SNAPC3: variants seen among roughly 807,000 people sequenced by gnomAD.
The protein encoded by SNAPC3 is snRNA-activating protein complex subunit 3.
In SNAPC3, 56 loss-of-function variants were observed where a neutral mutation model predicts 47.7. The ratio of observed to expected loss-of-function variants is 1.18; its 90% CI spans 0.95 to 1.47. SNAPC3 has a LOEUF of 1.47. SNAPC3 is among the 40% of genes most tolerant of loss of function. The pLI is 0.00. For missense variants in SNAPC3, 665 were observed against 511.3 expected (o/e 1.30, Z -2.90); for synonymous variants, 235 against 189.9 (o/e 1.24, Z -1.95).
intron 3 of SNAPC3, among the ~76,000 whole-genome samples, chr9:15,437,242 C>CTT (rs796295021): frequency 1.9e-4 from 28 of 144,342 alleles, no homozygotes; most frequent in African/African-American, 6.3e-4. Context: ...TTCTTAATTC[C>CTT]TTTTTTTTTT....
intron 2 of SNAPC3, among the ~76,000 whole-genome samples, chr9:15,429,409 G>T (rs2031858793): frequency 6.6e-6 from 1 of 152,176 alleles, no homozygotes; most frequent in African/African-American, 2.4e-5. Flanking sequence ...CTAATACAGA[G>T]AGGATGAGGG....
chr9:15,465,522 A>G (rs759186338), downstream of SNAPC3: 1 of 1,556,502 alleles, frequency 6.4e-7, no homozygotes, highest in Non-Finnish European at 8.8e-7. Flanking sequence ...ATGTCAACCT[A>G]GTTATCTAGT....
At chr9:15,428,661 A>C (rs937641714) in intron 2 of SNAPC3, among the ~76,000 whole-genome samples, 2 of 152,164 alleles carry the variant, frequency 1.3e-5, no homozygotes, top group Non-Finnish European at 2.9e-5. Context: ...AGGAGAAATG[A>C]AAAAAGAGTT....
Position 15,423,124 on chromosome 9 carries a change from A to G in SNAPC3, c.245A>G (p.Glu82Gly). 1 of 1,556,060 alleles carries G rather than the reference A, an allele frequency of 6.4e-7. No homozygotes were observed. Among genetic ancestry groups the G allele is most frequent in the Non-Finnish European group, 8.6e-7 (1 of 1,162,444 alleles). ...AGCCAGGCAGCTGACTCCGACCGGGAGGATGCCGCGGTGGCCAGGGATCTG... is the reference window on the plus strand; with the variant it reads ...AGCCAGGCAGCTGACTCCGACCGGGGGGATGCCGCGGTGGCCAGGGATCTG... ...PGSQAADSDR[E>G]DAAVARDLDC... The change falls in exon 1 of 9, where the codon GAG becomes GGG. Residue 82 changes from glutamate (E) to glycine (G), a missense_variant. Transcript: ENST00000380821.
intron 2 of SNAPC3, among the ~76,000 whole-genome samples, chr9:15,427,804 A>G (rs2031622290): frequency 6.6e-6 from 1 of 152,224 alleles, no homozygotes; most frequent in Non-Finnish European, 1.5e-5. Context: ...AAAAAACAAA[A>G]GAACCATGAA....
chr9:15,456,274 T>C (rs967301486), intron 7 of SNAPC3, among the ~76,000 whole-genome samples: 81 of 152,082 alleles, frequency 5.3e-4, no homozygotes, highest in African/African-American at 1.6e-3. Flanking sequence ...CCTCCCAAAG[T>C]GCTGGGATTA....
At chr9:15,458,746 A>AC (rs1331569300) in intron 8 of SNAPC3, among the ~76,000 whole-genome samples, 2 of 152,116 alleles carry the variant, frequency 1.3e-5, no homozygotes, top group Non-Finnish European at 2.9e-5. Context: ...CACAGCAGTA[A>AC]CTATAAAAAA....
chr9:15,459,700 C>CT lies in SNAPC3; in HGVS notation c.1089-12dup. ...CAAATTTGATTGTAATGATGTACTT[C>CT]TTTTTTTAAAAACTACAGATGGGTG... On this transcript the variant is annotated intron_variant, in intron 8 of 8. Coordinates refer to ENST00000380821, the MANE Select transcript of SNAPC3 (RefSeq NM_001039697.2). 2.5e-6 allele frequency: 4 copies of CT among 1,607,638 alleles called. No homozygotes were observed. The highest frequency in any genetic ancestry group is 3.4e-6 in the Non-Finnish European group (4 of 1,176,238).
At chr9:15,458,361 C>A (rs1028757655) in intron 8 of SNAPC3, among the ~76,000 whole-genome samples, 2 of 152,118 alleles carry the variant, frequency 1.3e-5, no homozygotes, top group Non-Finnish European at 2.9e-5. Context: ...GCAAAGAATT[C>A]TCTGATAGAA....
intron 2 of SNAPC3, among the ~76,000 whole-genome samples, chr9:15,427,912 A>T (rs532232688): frequency 6.6e-6 from 1 of 152,138 alleles, no homozygotes; most frequent in African/African-American, 2.4e-5. Flanking sequence ...GGAGTTCAAC[A>T]GCAGCTTGGC....
chr9:15,451,427 A>T, intron 6 of SNAPC3, 25 bp downstream of exon 6: 1 of 1,127,366 alleles, frequency 8.9e-7, no homozygotes, highest in Non-Finnish European at 1.3e-6. Flanking sequence ...AATCTTCTCA[A>T]AGTCTTTCCT....
At chr9:15,442,763 C>G (rs555042912) in intron 3 of SNAPC3, among the ~76,000 whole-genome samples, 2 of 152,032 alleles carry the variant, frequency 1.3e-5, no homozygotes, top group African/African-American at 4.8e-5. Context: ...ACTTGCCAGA[C>G]GGGGTGGCGG....
intron 3 of SNAPC3, among the ~76,000 whole-genome samples, chr9:15,443,160 GGA>G (rs1162994695): frequency 6.6e-6 from 1 of 152,188 alleles, no homozygotes; most frequent in African/African-American, 2.4e-5. Context: ...GGGAGACTGT[GGA>G]GAGAGAGGGA....
At position 15,449,535 on chromosome 9, in the gene SNAPC3, TTATATATA is replaced by T. The variant is rs538667627; in HGVS notation, c.733-1763_733-1756del. On this transcript the variant is annotated intron_variant, in intron 5 of 8. Transcript: ENST00000380821. ...ATTGTTTCTGTCTCTTCTATTATTA[TTATATATA>T]TATATATATATATATATATATTTTT... 8.8e-3 allele frequency among the ~76,000 whole-genome samples: 404 copies of T among 45,746 alleles called. 12 individuals carry two copies. The highest frequency in any genetic ancestry group is 0.025 in the African/African-American group (347 of 13,668). 30.0% of individuals were successfully genotyped at this position (45,746 alleles called of 152,430 possible).
chr9:15,446,942 A>G (rs987714638), intron 4 of SNAPC3, among the ~76,000 whole-genome samples, 153 bp from the exon 5 acceptor site: 2 of 152,214 alleles, frequency 1.3e-5, no homozygotes, highest in East Asian at 1.9e-4. Context: ...GTTTGGCCCT[A>G]TAATTATTGG....
At chr9:15,436,189 A>G (rs546872891) in intron 3 of SNAPC3, among the ~76,000 whole-genome samples, 1 of 152,274 alleles carries the variant, frequency 6.6e-6, no homozygotes, top group East Asian at 1.9e-4. Context: ...AAGTTTTTAA[A>G]TTTGATGAAG....
At chr9:15,440,864 G>A (rs936066933) in intron 3 of SNAPC3, among the ~76,000 whole-genome samples, 5 of 150,852 alleles carry the variant, frequency 3.3e-5, no homozygotes, top group African/African-American at 4.9e-5. Context: ...CAGGAGAATG[G>A]CATGAACCCG....
At chr9:15,443,865 G>T (rs1049841475) in intron 3 of SNAPC3, among the ~76,000 whole-genome samples, 1 of 152,204 alleles carries the variant, frequency 6.6e-6, no homozygotes, top group Non-Finnish European at 1.5e-5. Context: ...CTAATGAAAA[G>T]CAGCAACTTC....
chr9:15,441,392 T>TTTC (rs1298773650), intron 3 of SNAPC3, among the ~76,000 whole-genome samples: 5 of 127,472 alleles, frequency 3.9e-5, no homozygotes, highest in Non-Finnish European at 8.5e-5. Context: ...TCTTTTTTTT[T>TTTC]TTTTTTTTTT....
Sources: gnomAD v4.1 joint callset for allele counts (sites outside exome capture counted in the v4.1 genomes callset) on GRCh38, gnomAD v4.1.1 for gene constraint, MANE v1.5 for transcripts, NCBI Gene and HGNC (gene_info 2026-07-23, HGNC 2026-07-21) for gene names.